The following EIF4EBP1 variants were observed in gnomAD, a reference collection of about 807,000 sequenced individuals.
EIF4EBP1 encodes eukaryotic translation initiation factor 4E-binding protein 1.
In EIF4EBP1, 5 loss-of-function variants were observed where a neutral mutation model predicts 9.2. That is an observed-to-expected ratio of 0.54 (90% CI 0.28 to 1.14). EIF4EBP1 has a LOEUF of 1.14. EIF4EBP1 is among the 50% of genes most tolerant of loss of function. The pLI is 0.09. For synonymous variants in EIF4EBP1, 62 were observed against 67.0 expected (o/e 0.93, Z 0.36); for missense variants, 139 against 169.6 (o/e 0.82, Z 1.00).
intron 1 of EIF4EBP1, among the ~76,000 whole-genome samples, chr8:38,034,046 CT>C (rs879315404): frequency 2.0e-5 from 3 of 151,906 alleles, no homozygotes; most frequent in Non-Finnish European, 4.4e-5. Context: ...GCACCCGGCC[CT>C]TTTTTTGTTT....
chr8:38,037,665 TG>T (rs1275491426), intron 1 of EIF4EBP1, among the ~76,000 whole-genome samples: 3 of 152,144 alleles, frequency 2.0e-5, no homozygotes, highest in African/African-American at 7.2e-5. Flanking sequence ...GGCTTAATGA[TG>T]ACGTTTAAAT....
intron 1 of EIF4EBP1, among the ~76,000 whole-genome samples, chr8:38,034,214 T>C (rs1426865539): frequency 6.6e-6 from 1 of 151,778 alleles, no homozygotes; most frequent in Non-Finnish European, 1.5e-5. Context: ...GCCCTGCTAA[T>C]TTTTTTATTT....
chr8:38,037,531 T>C (rs1409063277), intron 1 of EIF4EBP1, among the ~76,000 whole-genome samples: 2 of 151,846 alleles, frequency 1.3e-5, no homozygotes, highest in Non-Finnish European at 2.9e-5. Flanking sequence ...GCCAGGATGG[T>C]CTCAATCTCC....
rs371690517 is a variant in EIF4EBP1 at position 38,060,330 on chromosome 8, G to A, written c.*395G>A. 8.2e-5 allele frequency: 23 copies of A among 278,842 alleles called. No individual in the cohort carries two copies. The highest frequency in any genetic ancestry group is 4.8e-4 in the African/African-American group (22 of 45,748). The allele number at this position is 278,842 out of a possible 1,614,324, so 17.3% of individuals were successfully genotyped here. A position where few individuals can be genotyped will look rare whatever the true frequency, so the allele number is the denominator to read the frequency against. On this transcript the variant is annotated 3_prime_UTR_variant, in exon 3 of 3. Coordinates refer to ENST00000338825, the MANE Select transcript of EIF4EBP1 (RefSeq NM_004095.4). ...GCTCCCTCCCCCTCCTTCCCCAAGA[G>A]AGGAAATAAAAGCCACCTTCGCCCT...
chr8:38,033,487 A>G (rs1467022067), intron 1 of EIF4EBP1, among the ~76,000 whole-genome samples: 1 of 152,060 alleles, frequency 6.6e-6, no homozygotes, highest in Non-Finnish European at 1.5e-5. Context: ...TAGCAAAAAA[A>G]AAAAAAAGAT....
intron 1 of EIF4EBP1, among the ~76,000 whole-genome samples, chr8:38,035,811 G>A (rs966531267): frequency 6.6e-5 from 10 of 151,926 alleles, no homozygotes; most frequent in African/African-American, 2.4e-4. Context: ...CTGGGTTCAA[G>A]CAATTCTCCT....
chr8:38,059,671 G>A (rs1355017363), intron 2 of EIF4EBP1, among the ~76,000 whole-genome samples: 2 of 151,302 alleles, frequency 1.3e-5, no homozygotes, highest in East Asian at 3.9e-4. Flanking sequence ...TAGGAGAATC[G>A]CTTGAACCCA....
At chr8:38,056,779 C>T (rs1458246951) in intron 1 of EIF4EBP1, among the ~76,000 whole-genome samples, 3 of 151,820 alleles carry the variant, frequency 2.0e-5, no homozygotes, top group African/African-American at 4.8e-5. Context: ...TTCTCCTGCC[C>T]CAGCCTCCTG....
chr8:38,038,507 CA>C (rs71216646), intron 1 of EIF4EBP1, among the ~76,000 whole-genome samples: 82 of 127,080 alleles, frequency 6.5e-4, no homozygotes, highest in African/African-American at 1.7e-3. Context: ...GACTCCATCT[CA>C]AAAAAAAAAA....
intron 1 of EIF4EBP1, among the ~76,000 whole-genome samples, chr8:38,040,244 C>T (rs1809358471): frequency 6.6e-6 from 1 of 152,178 alleles, no homozygotes; most frequent in African/African-American, 2.4e-5. Context: ...GTGACTGATG[C>T]TGTTTATTTA....
chr8:38,054,785 G>A (rs1262811075), intron 1 of EIF4EBP1, among the ~76,000 whole-genome samples: 1 of 152,170 alleles, frequency 6.6e-6, no homozygotes, highest in Non-Finnish European at 1.5e-5. Flanking sequence ...CCCCAGCCCT[G>A]CAAAGAGAGG....
intron 1 of EIF4EBP1, among the ~76,000 whole-genome samples, chr8:38,044,771 C>T (rs1342803255): frequency 2.6e-5 from 4 of 152,050 alleles, no homozygotes; most frequent in East Asian, 1.9e-4. Context: ...GGATTGGAGT[C>T]GAGGTGGGTT....
At chr8:38,033,771 G>A (rs1161303174) in intron 1 of EIF4EBP1, among the ~76,000 whole-genome samples, 2 of 137,982 alleles carry the variant, frequency 1.4e-5, no homozygotes, top group Non-Finnish European at 3.1e-5. Context: ...TTTTGAGATG[G>A]AGTTTCGCTT....
chr8:38,044,605 C>A (rs1032795877), intron 1 of EIF4EBP1, among the ~76,000 whole-genome samples: 3 of 152,156 alleles, frequency 2.0e-5, no homozygotes, highest in Non-Finnish European at 4.4e-5. Context: ...TGCCAGGCTA[C>A]TTTTTAAATT....
At chr8:38,043,717 G>A (rs368206128) in intron 1 of EIF4EBP1, among the ~76,000 whole-genome samples, 121 of 152,190 alleles carry the variant, frequency 8.0e-4, no homozygotes, top group African/African-American at 2.6e-3. Flanking sequence ...GCTGCCGATC[G>A]TCCCCATCTG....
At chr8:38,044,939 T>G (rs1459526725) in intron 1 of EIF4EBP1, among the ~76,000 whole-genome samples, 1 of 152,156 alleles carries the variant, frequency 6.6e-6, no homozygotes, top group Non-Finnish European at 1.5e-5. Flanking sequence ...TGGCAACGAT[T>G]GCTGTATGCA....
chr8:38,060,163 G>C lies in EIF4EBP1; in HGVS notation c.*228G>C, dbSNP rs566483688. The C allele has an allele frequency of 7.0e-4, 421 of 604,894 alleles. 5 individuals carry two copies. In the South Asian group the frequency reaches 7.8e-3, roughly 11 times the overall value. 37.5% of individuals were successfully genotyped at this position (604,894 alleles called of 1,614,324 possible). ...GATGCAGGAGCTGCCACCCCAAGGG[G>C]AGTGACCCCTGCCAGCACACCCTGC... On this transcript the variant is annotated 3_prime_UTR_variant, in exon 3 of 3. Coordinates refer to ENST00000338825, the MANE Select transcript of EIF4EBP1 (RefSeq NM_004095.4).
intron 1 of EIF4EBP1, among the ~76,000 whole-genome samples, chr8:38,037,304 G>A (rs1331547135): frequency 6.6e-6 from 1 of 151,988 alleles, no homozygotes; most frequent in African/African-American, 2.4e-5. Flanking sequence ...GGATAACCTA[G>A]TTTTCTTATT....
intron 1 of EIF4EBP1, among the ~76,000 whole-genome samples, chr8:38,049,450 C>T (rs1157565625): frequency 6.7e-6 from 1 of 149,972 alleles, no homozygotes; most frequent in Non-Finnish European, 1.5e-5. Context: ...TTCAAGACAT[C>T]TCTTTCAATT....
Sources: gnomAD v4.1 joint callset for allele counts (sites outside exome capture counted in the v4.1 genomes callset) on GRCh38, gnomAD v4.1.1 for gene constraint, MANE v1.5 for transcripts, NCBI Gene and HGNC (gene_info 2026-07-23, HGNC 2026-07-21) for gene names.